The following SLC25A21 variants were observed in gnomAD, a reference collection of about 807,000 sequenced individuals.
The protein encoded by SLC25A21 is mitochondrial 2-oxodicarboxylate carrier.
Under a neutral mutation model 43.8 loss-of-function variants are expected in SLC25A21, and 47 were observed. The observed-to-expected ratio is 1.07, with a 90% confidence interval of 0.85 to 1.37. The LOEUF is 1.37. Among genes scored for constraint, SLC25A21 ranks in the 40% most tolerant of loss-of-function variants. The probability of loss-of-function intolerance (pLI) is 0.00; values close to 1 mark genes in which losing one functional copy is unlikely to be tolerated. For synonymous variants in SLC25A21, 131 were observed against 121.3 expected (o/e 1.08, Z -0.52); for missense variants, 352 against 350.2 (o/e 1.00, Z -0.04).
At chr14:36,802,026 C>G (rs1415506988) in intron 3 of SLC25A21, among the ~76,000 whole-genome samples, 1 of 152,180 alleles carries the variant, frequency 6.6e-6, no homozygotes, top group East Asian at 1.9e-4. Context: ...TAATGCCTCA[C>G]CTTCAGACAC....
chr14:37,019,711 A>G (rs1960942737), intron 1 of SLC25A21, among the ~76,000 whole-genome samples: 1 of 151,868 alleles, frequency 6.6e-6, no homozygotes, highest in Admixed American at 6.6e-5. Flanking sequence ...TGCGAGAGGT[A>G]TTTGGGGCCT....
intron 1 of SLC25A21, among the ~76,000 whole-genome samples, chr14:37,021,805 G>C (rs1054948481): frequency 6.6e-6 from 1 of 151,942 alleles, no homozygotes; most frequent in Admixed American, 6.6e-5. Context: ...ATGTAGAACA[G>C]GGGAGTTCTA....
chr14:36,756,341 G>T (rs1251662190), intron 3 of SLC25A21, among the ~76,000 whole-genome samples: 2 of 152,228 alleles, frequency 1.3e-5, no homozygotes, highest in Non-Finnish European at 2.9e-5. Context: ...GCCTGGCTAT[G>T]TACGCGGCTT....
intron 1 of SLC25A21, among the ~76,000 whole-genome samples, chr14:37,010,565 T>A (rs1034210860): frequency 1.3e-5 from 2 of 152,074 alleles, no homozygotes; most frequent in African/African-American, 2.4e-5. Context: ...CTCAGGAGGC[T>A]TTGGAGAGAA....
chr14:37,158,382 C>T (rs1963885529), intron 1 of SLC25A21, among the ~76,000 whole-genome samples: 1 of 152,046 alleles, frequency 6.6e-6, no homozygotes, highest in South Asian at 2.1e-4. Flanking sequence ...GATAATACAC[C>T]ATTATCAAAC....
intron 1 of SLC25A21, among the ~76,000 whole-genome samples, chr14:36,961,751 T>A (rs1444139010): frequency 1.3e-5 from 2 of 152,122 alleles, no homozygotes; most frequent in Non-Finnish European, 2.9e-5. Flanking sequence ...ACTCTTCAAG[T>A]GTCTTGCAAA....
intron 1 of SLC25A21, among the ~76,000 whole-genome samples, chr14:37,145,924 C>T (rs954363826): frequency 6.6e-6 from 1 of 152,016 alleles, no homozygotes; most frequent in Admixed American, 6.6e-5. Flanking sequence ...TTTCCTTTTG[C>T]AGCTATCAGG....
chr14:36,757,756 C>T lies in SLC25A21; in HGVS notation c.204-23183G>A, dbSNP rs149526230. Among the ~76,000 whole-genome samples the T allele has an allele frequency of 2.7e-3, 415 of 152,340 alleles. 1 individual carries two copies. Among genetic ancestry groups the T allele is most frequent in the Non-Finnish European group, 3.6e-3 (245 of 68,038 alleles). On this transcript the variant is annotated intron_variant, in intron 3 of 9. Coordinates refer to ENST00000331299, the MANE Select transcript of SLC25A21 (RefSeq NM_030631.4). ...TAACCTCCAGAAATGGACTGGTGTT[C>T]ATTCTGTTTACCTTTTGATGCCAAA...
At chr14:36,723,385 A>T (rs112711343) in intron 6 of SLC25A21, among the ~76,000 whole-genome samples, 1 of 152,334 alleles carries the variant, frequency 6.6e-6, no homozygotes, top group African/African-American at 2.4e-5. Context: ...TACCTATGTA[A>T]TCACTACTTT....
intron 1 of SLC25A21, among the ~76,000 whole-genome samples, chr14:37,078,173 G>A (rs924335239): frequency 6.6e-6 from 1 of 152,076 alleles, no homozygotes; most frequent in Admixed American, 6.5e-5. Flanking sequence ...TTATGAAGCT[G>A]GTTTAAAGCC....
intron 7 of SLC25A21, among the ~76,000 whole-genome samples, chr14:36,706,543 C>G (rs537279388): frequency 6.6e-6 from 1 of 151,992 alleles, no homozygotes; most frequent in South Asian, 2.1e-4. Context: ...TTTGCAGTCC[C>G]AAATGCAGTT....
intron 3 of SLC25A21, among the ~76,000 whole-genome samples, chr14:36,734,808 A>C (rs1161561406): frequency 1.3e-5 from 2 of 152,162 alleles, no homozygotes; most frequent in African/African-American, 4.8e-5. Flanking sequence ...GCTAAGCATG[A>C]CCATTAGTTG....
At chr14:37,109,689 C>T (rs760081886) in intron 1 of SLC25A21, among the ~76,000 whole-genome samples, 4 of 152,086 alleles carry the variant, frequency 2.6e-5, no homozygotes, top group Non-Finnish European at 4.4e-5. Flanking sequence ...ACAATCTAGT[C>T]GCCTAATTTT....
At chr14:36,810,042 C>T (rs1229622578) in intron 3 of SLC25A21, among the ~76,000 whole-genome samples, 2 of 152,070 alleles carry the variant, frequency 1.3e-5, no homozygotes, top group African/African-American at 4.8e-5. Flanking sequence ...TAACCCAGGG[C>T]TATGAAATGC....
chr14:36,830,938 T>G (rs1399157280), intron 2 of SLC25A21, among the ~76,000 whole-genome samples: 2 of 152,144 alleles, frequency 1.3e-5, no homozygotes, highest in South Asian at 2.1e-4. Flanking sequence ...GCACACACAC[T>G]TGCACAGCTA....
chr14:36,842,766 G>T (rs1889424298), intron 2 of SLC25A21, among the ~76,000 whole-genome samples: 1 of 152,014 alleles, frequency 6.6e-6, no homozygotes, highest in African/African-American at 2.4e-5. Flanking sequence ...CATTTCAAAG[G>T]GAACACCCAC....
At chr14:36,887,137 CTACA>C (rs1442609782) in intron 1 of SLC25A21, among the ~76,000 whole-genome samples, 3 of 151,108 alleles carry the variant, frequency 2.0e-5, no homozygotes, top group African/African-American at 4.9e-5. Context: ...TCTGTAATGT[CTACA>C]TATTCATATA....
chr14:36,740,385 A>G (rs1885205241), intron 3 of SLC25A21, among the ~76,000 whole-genome samples: 1 of 152,168 alleles, frequency 6.6e-6, no homozygotes, highest in African/African-American at 2.4e-5. Flanking sequence ...CCAGGACTCC[A>G]AAGCCACTAG....
intron 1 of SLC25A21, among the ~76,000 whole-genome samples, chr14:36,927,806 A>G (rs861924): frequency 0.11 from 16,618 of 152,180 alleles, 1,698 homozygotes; most frequent in African/African-American, 0.26. Flanking sequence ...TGTCCCTAAA[A>G]ATAAGAATAA....
Sources: gnomAD v4.1 joint callset for allele counts (sites outside exome capture counted in the v4.1 genomes callset) on GRCh38, gnomAD v4.1.1 for gene constraint, MANE v1.5 for transcripts, NCBI Gene and HGNC (gene_info 2026-07-23, HGNC 2026-07-21) for gene names.